The following TDRD5 variants were observed in gnomAD, a reference collection of about 807,000 sequenced individuals.
TDRD5 encodes tudor domain-containing protein 5.
In TDRD5, 41 loss-of-function variants were observed where a neutral mutation model predicts 120.6. That is an observed-to-expected ratio of 0.34 (90% confidence interval 0.26 to 0.44). The LOEUF is 0.44. Among genes scored for constraint, TDRD5 ranks in the 20% least tolerant of loss-of-function variants. The probability of loss-of-function intolerance (pLI) is 1.00; values close to 1 mark genes in which losing one functional copy is unlikely to be tolerated. For synonymous variants in TDRD5, 430 were observed against 433.7 expected (o/e 0.99, Z 0.11); for missense variants, 1,006 against 1,221.2 (o/e 0.82, Z 2.63).
At chr1:179,603,264 A>G (rs998504381) in intron 4 of TDRD5, among the ~76,000 whole-genome samples, 1 of 152,182 alleles carries the variant, frequency 6.6e-6, no homozygotes, top group African/African-American at 2.4e-5. Flanking sequence ...TATCAGCTCT[A>G]GGATCTTTCT....
At chr1:179,634,395 A>G (rs542725049) in intron 7 of TDRD5, 62 bp from the exon 8 acceptor site, 5 of 1,527,294 alleles carry the variant, frequency 3.3e-6, no homozygotes, top group South Asian at 2.6e-5. Flanking sequence ...ACAAATATGC[A>G]TAGGCTGCTC....
At chr1:179,645,321 G>T (rs1406498220) in intron 11 of TDRD5, among the ~76,000 whole-genome samples, 1 of 151,736 alleles carries the variant, frequency 6.6e-6, no homozygotes, top group Non-Finnish European at 1.5e-5. Context: ...TCCTGACCTC[G>T]TGATCCGCCC....
intron 4 of TDRD5, among the ~76,000 whole-genome samples, chr1:179,597,155 A>G (rs1675436132): frequency 6.6e-6 from 1 of 152,040 alleles, no homozygotes; most frequent in Non-Finnish European, 1.5e-5. Flanking sequence ...TTGTCATTGT[A>G]TTGAATTGGA....
At chr1:179,685,171 T>C (rs1680636140) in intron 17 of TDRD5, among the ~76,000 whole-genome samples, 2 of 152,170 alleles carry the variant, frequency 1.3e-5, no homozygotes, top group South Asian at 4.1e-4. Context: ...GTTTTTATGG[T>C]TTTAGGTCAA....
chr1:179,592,825 A>G lies in TDRD5; in HGVS notation c.210A>G (p.Ala70=), dbSNP rs769222581. ...ATGTTGTTCGTGTCTGCCCCGGTGCAGGTGGTACTGTAATACTGAAAGGTA... is the reference window on the plus strand; with the variant it reads ...ATGTTGTTCGTGTCTGCCCCGGTGCGGGTGGTACTGTAATACTGAAAGGTA... ...MPDVVRVCPG[A]GGTVILKAIP... The change falls in exon 2 of 18, where the codon GCA becomes GCG. Residue 70 remains alanine (A), a synonymous_variant. Coordinates refer to ENST00000444136, the MANE Select transcript of TDRD5 (RefSeq NM_001199085.3). 1 of 1,614,192 alleles carries G rather than the reference A, an allele frequency of 6.2e-7. No homozygotes were observed. The highest frequency in any genetic ancestry group is 8.5e-7 in the Non-Finnish European group (1 of 1,180,016).
chr1:179,626,030 C>A (rs1015924197), intron 6 of TDRD5, among the ~76,000 whole-genome samples: 3 of 150,962 alleles, frequency 2.0e-5, no homozygotes, highest in Admixed American at 1.3e-4. Flanking sequence ...CACATGGACA[C>A]AGGAAGGGGA....
intron 17 of TDRD5, among the ~76,000 whole-genome samples, chr1:179,682,103 CTT>C (rs975908009): frequency 6.8e-6 from 1 of 147,580 alleles, no homozygotes; most frequent in Non-Finnish European, 1.5e-5. Flanking sequence ...ATATATATAA[CTT>C]TTGAATTCTA....
chr1:179,628,324 C>CTTTTCTT (rs1677247903), intron 6 of TDRD5, among the ~76,000 whole-genome samples: 1 of 54,632 alleles, frequency 1.8e-5, no homozygotes, highest in African/African-American at 7.3e-5. Context: ...CTTTTCTTTT[C>CTTTTCTT]TTTTTTTTTT....
At chr1:179,656,793 T>G (rs1679029379) in intron 14 of TDRD5, among the ~76,000 whole-genome samples, 1 of 152,210 alleles carries the variant, frequency 6.6e-6, no homozygotes, top group African/African-American at 2.4e-5. Flanking sequence ...GGCTCATGCC[T>G]ATAATCCTAG....
intron 11 of TDRD5, 38 bp from the exon 12 acceptor site, chr1:179,650,829 A>G: frequency 6.3e-7 from 1 of 1,588,160 alleles, no homozygotes; most frequent in South Asian, 1.1e-5. Flanking sequence ...TCATGTTTAG[A>G]TCTATCACCT....
At position 179,593,533 on chromosome 1, in the gene TDRD5, C is replaced by G. The variant is rs1281692656; in HGVS notation, c.306C>G (p.Asn102Lys). Residue 102 changes from asparagine to lysine, a missense_variant, in exon 3 of 18, where the codon AAC becomes AAG. Physicochemically the swap from Asn to Lys is moderately conservative, Grantham distance 94. Coordinates refer to ENST00000444136, the MANE Select transcript of TDRD5 (RefSeq NM_001199085.3). ...AGAGGAGCAGCCATAAGCTTCGAAACTCAATGCATAAGGGAAGACCTAGTA... is the reference window on the plus strand; with the variant it reads ...AGAGGAGCAGCCATAAGCTTCGAAAGTCAATGCATAAGGGAAGACCTAGTA... ...AKQRSSHKLR[N>K]SMHKGRPSIY... 1 of 1,614,102 alleles carries G rather than the reference C, an allele frequency of 6.2e-7. No homozygotes were observed. The highest frequency in any genetic ancestry group is 1.3e-5 in the African/African-American group (1 of 74,940).
chr1:179,678,193 A>G (rs1182160811), intron 17 of TDRD5, among the ~76,000 whole-genome samples: 1 of 152,160 alleles, frequency 6.6e-6, no homozygotes, highest in African/African-American at 2.4e-5. Flanking sequence ...GAAAGCCGGC[A>G]GTCACGGGCC....
At chr1:179,600,524 A>G (rs1220066124) in intron 4 of TDRD5, among the ~76,000 whole-genome samples, 1 of 152,206 alleles carries the variant, frequency 6.6e-6, no homozygotes, top group Non-Finnish European at 1.5e-5. Context: ...AAATCACCTA[A>G]TAATGCATTT....
At chr1:179,685,568 A>G (rs1056225813) in intron 17 of TDRD5, among the ~76,000 whole-genome samples, 1 of 152,128 alleles carries the variant, frequency 6.6e-6, no homozygotes, top group Admixed American at 6.6e-5. Flanking sequence ...GTGTTTTCCA[A>G]TTCTGTGAAG....
chr1:179,654,444 C>G, intron 14 of TDRD5, 82 bp downstream of exon 14: 1 of 1,330,406 alleles, frequency 7.5e-7, no homozygotes, highest in Non-Finnish European at 9.9e-7. Context: ...GGAATAAACT[C>G]TGTTTAAACC....
rs776772979 is a variant in TDRD5, at chr1:179,684,863, T to C, written c.2861-5833T>C. Among the ~76,000 whole-genome samples, 124 of 152,360 alleles carry C rather than the reference T, an allele frequency of 8.1e-4. 3 individuals carry two copies. The highest frequency in any genetic ancestry group is 7.8e-4 in the Admixed American group (12 of 15,310). On this transcript the variant is annotated intron_variant, in intron 17 of 17. Coordinates refer to ENST00000444136, the MANE Select transcript of TDRD5 (RefSeq NM_001199085.3). ...GATGTCTTCTTTTGAGAAGTGTCTA[T>C]TCATATGCTTTGCCCACTTTTTGAT... is the stretch of plus-strand genomic sequence containing the variant.
chr1:179,651,982 G>A (rs572342854), intron 12 of TDRD5, 57 bp from the exon 13 acceptor site: 50 of 1,558,628 alleles, frequency 3.2e-5, no homozygotes, highest in African/African-American at 1.8e-4. Context: ...GTGCTTTCTC[G>A]CCCTTTTTCT....
chr1:179,645,683 G>C (rs896307890), intron 11 of TDRD5, among the ~76,000 whole-genome samples: 2 of 152,088 alleles, frequency 1.3e-5, no homozygotes, highest in Non-Finnish European at 2.9e-5. Flanking sequence ...TGTGGCTTTT[G>C]TCTATGATTA....
chr1:179,640,482 T>C (rs1398994360), intron 11 of TDRD5, 37 bp downstream of exon 11: 2 of 1,589,760 alleles, frequency 1.3e-6, no homozygotes, highest in Admixed American at 1.7e-5. Flanking sequence ...CAGCAAACAC[T>C]TGAGTGCCTA....
Sources: allele counts gnomAD v4.1 joint callset (sites outside exome capture counted in the v4.1 genomes callset), GRCh38; gene constraint gnomAD v4.1.1; transcripts MANE v1.5; gene names NCBI Gene and HGNC (gene_info 2026-07-23, HGNC 2026-07-21).